DNAH11: variants seen among roughly 807,000 people sequenced by gnomAD.
DNAH11 encodes the protein axonemal beta dynein heavy chain 11.
Under a neutral mutation model 526.0 loss-of-function variants are expected in DNAH11, and 442 were observed. That is an observed-to-expected ratio of 0.84 (90% CI 0.78 to 0.91). The LOEUF (loss-of-function observed/expected upper bound fraction) is 0.91. Among genes scored for constraint, DNAH11 ranks in the 40% least tolerant of loss-of-function variants. The pLI, the probability that DNAH11 is intolerant of heterozygous loss-of-function variation, is 0.00. For missense variants in DNAH11, 6,989 were observed against 5,448.7 expected (o/e 1.28, Z -8.90); for synonymous variants, 2,461 against 1,935.9 (o/e 1.27, Z -7.12).
Position 21,750,247 on chromosome 7 carries a change from T to C in DNAH11, c.8823T>C (p.Asp2941=). ...GAGAAATCCCAGATCTGTTCAGCGA[T>C]GAAGATGTGGACAAGATAATTTCTG... The part of the protein sequence containing the change: ...ASGEIPDLFS[D]EDVDKIISGI... The change falls in exon 54 of 82, where the codon GAT becomes GAC. Residue 2941 remains aspartate (D), a synonymous_variant. Coordinates refer to ENST00000409508, the MANE Select transcript of DNAH11 (RefSeq NM_001277115.2). The C allele has an allele frequency of 1.2e-6, 2 of 1,606,496 alleles. No homozygotes were observed. Among genetic ancestry groups the C allele is most frequent in the South Asian group, 2.2e-5 (2 of 89,076 alleles).
chr7:21,621,552 A>G (rs1415011237), intron 25 of DNAH11, among the ~76,000 whole-genome samples: 1 of 152,186 alleles, frequency 6.6e-6, no homozygotes, highest in Non-Finnish European at 1.5e-5. Flanking sequence ...TCCTTGATGA[A>G]CATTGATGCA....
At chr7:21,639,785 C>T (rs1787036732) in intron 28 of DNAH11, among the ~76,000 whole-genome samples, 1 of 152,172 alleles carries the variant, frequency 6.6e-6, no homozygotes, top group African/African-American at 2.4e-5. Flanking sequence ...GCTGACATAG[C>T]TGGTCACTCC....
At position 21,631,232 on chromosome 7, in the gene DNAH11, C is replaced by T. The variant is rs189445942; in HGVS notation, c.4501-4639C>T. Among the ~76,000 whole-genome samples, 9 of 152,252 alleles carry T rather than the reference C, an allele frequency of 5.9e-5. No individual in the cohort carries two copies. In the East Asian group the frequency reaches 1.5e-3, roughly 26 times the overall value. On this transcript the variant is annotated intron_variant, in intron 25 of 81. Transcript: ENST00000409508. ...AGGACCTGCCTCCGTGATTCAGTTA[C>T]CTCCCACTGGGTCCTTCTCACAAAA... is the stretch of plus-strand genomic sequence containing the variant.
chr7:21,609,438 T>C (rs1025233370), intron 20 of DNAH11, among the ~76,000 whole-genome samples: 1 of 152,198 alleles, frequency 6.6e-6, no homozygotes, highest in South Asian at 2.1e-4. Context: ...CAGACTGTTC[T>C]TGAACTCTTG....
At chr7:21,610,109 C>A (rs972055760) in intron 20 of DNAH11, among the ~76,000 whole-genome samples, 6 of 152,114 alleles carry the variant, frequency 3.9e-5, no homozygotes, top group Admixed American at 2.0e-4. Context: ...AAAAAATTAG[C>A]CGGGCGTGGT....
intron 18 of DNAH11, among the ~76,000 whole-genome samples, chr7:21,605,324 C>CACTGTCCCAGGAGATGACCGAG (rs1785239790): frequency 6.6e-6 from 1 of 152,178 alleles, no homozygotes; most frequent in African/African-American, 2.4e-5. Flanking sequence ...AAAACAATTT[C>CACTGTCCCAGGAGATGACCGAG]ACTGTCCCAG....
Position 21,774,427 on chromosome 7 carries a change from G to A in DNAH11, c.9336+428G>A, listed in dbSNP as rs114590638. ...TGTGGCGAGATCCCAAGGTAGAGCTGTTCCTCCCTTAGTGACTTGTCTGCT... is the reference window on the plus strand; with the variant it reads ...TGTGGCGAGATCCCAAGGTAGAGCTATTCCTCCCTTAGTGACTTGTCTGCT... On this transcript the variant is annotated intron_variant, in intron 56 of 81. Coordinates refer to ENST00000409508, the MANE Select transcript of DNAH11 (RefSeq NM_001277115.2). Among the ~76,000 whole-genome samples the A allele has an allele frequency of 9.9e-3, 1,511 of 152,230 alleles. 26 individuals carry two copies. Among genetic ancestry groups the A allele is most frequent in the African/African-American group, 0.034 (1,417 of 41,538 alleles).
intron 28 of DNAH11, among the ~76,000 whole-genome samples, chr7:21,649,480 C>G (rs1787525474): frequency 1.3e-5 from 2 of 151,930 alleles, no homozygotes; most frequent in African/African-American, 4.8e-5. Context: ...TGAAGAAAAC[C>G]TAGTGGTATA....
rs368480739 is a variant in DNAH11, at chr7:21,741,908, T to C, written c.7915-19T>C. 5.6e-6 allele frequency: 9 copies of C among 1,612,724 alleles called. No homozygotes were observed. Among genetic ancestry groups the C allele is most frequent in the African/African-American group, 2.7e-5 (2 of 75,016 alleles). On this transcript the variant is annotated intron_variant, in intron 48 of 81. Coordinates refer to ENST00000409508, the MANE Select transcript of DNAH11 (RefSeq NM_001277115.2). ...TACAATTGTAATCCTTACACTCTTATATTTGCTTTTCTTTTCAGAGACATT... is the reference window on the plus strand; with the variant it reads ...TACAATTGTAATCCTTACACTCTTACATTTGCTTTTCTTTTCAGAGACATT...
chr7:21,878,446 G>A (rs1783797717), intron 74 of DNAH11, among the ~76,000 whole-genome samples: 3 of 152,080 alleles, frequency 2.0e-5, no homozygotes, highest in Admixed American at 2.0e-4. Context: ...TACATATATT[G>A]GATCTCCTAG....
At chr7:21,629,978 A>G (rs1223794405) in intron 25 of DNAH11, among the ~76,000 whole-genome samples, 2 of 151,828 alleles carry the variant, frequency 1.3e-5, no homozygotes, top group Non-Finnish European at 2.9e-5. Flanking sequence ...GTTGTTTTGT[A>G]ATTTTTCTTT....
At chr7:21,713,342 A>G (rs551844471) in intron 42 of DNAH11, among the ~76,000 whole-genome samples, 118 of 152,108 alleles carry the variant, frequency 7.8e-4, no homozygotes, top group Non-Finnish European at 1.2e-3. Context: ...GGTTTGGCCA[A>G]TGAAGAATCC....
chr7:21,623,710 C>T (rs1039480266), intron 25 of DNAH11, among the ~76,000 whole-genome samples: 2 of 150,448 alleles, frequency 1.3e-5, no homozygotes, highest in Non-Finnish European at 2.9e-5. Context: ...TAAACTATCA[C>T]AAGAAGAAAA....
chr7:21,871,262 AC>A (rs1370640895), intron 73 of DNAH11, among the ~76,000 whole-genome samples: 6 of 152,160 alleles, frequency 3.9e-5, no homozygotes, highest in Non-Finnish European at 8.8e-5. Flanking sequence ...GATATTAAAA[AC>A]CATTTTTCAA....
At chr7:21,658,777 C>T (rs749359596) in intron 29 of DNAH11, 21 bp from the exon 30 acceptor site, 1 of 1,541,698 alleles carries the variant, frequency 6.5e-7, no homozygotes, top group Non-Finnish European at 8.8e-7. Context: ...TGTGTTATAA[C>T]ATTTCAACTT....
Position 21,658,825 on chromosome 7 carries a change from C to G in DNAH11, c.5122C>G (p.Gln1708Glu), listed in dbSNP as rs773433189. The G allele has an allele frequency of 3.1e-6, 5 of 1,593,526 alleles. No homozygotes were observed. The South Asian group carries it at 4.6e-5, about 15-fold the overall frequency. ...GGAAACATGGCTTCTGCAACTTGAA[C>G]AGACTATGCAAGAAACGGTGCGTCA... ...HVETWLLQLE[Q>E]TMQETVRHSI... is the part of the protein sequence containing the mutation. Residue 1708 changes from glutamine to glutamate, a missense_variant, in exon 30 of 82, where the codon CAG becomes GAG. Gln to Glu is a conservative substitution (Grantham distance 29). Transcript: ENST00000409508.
intron 65 of DNAH11, among the ~76,000 whole-genome samples, chr7:21,826,533 A>G (rs1189961934): frequency 6.6e-6 from 1 of 152,224 alleles, no homozygotes; most frequent in Non-Finnish European, 1.5e-5. Context: ...ACATGTTTGT[A>G]AATTTTATAA....
At position 21,658,783 on chromosome 7, in the gene DNAH11, A is replaced by T; in HGVS notation, c.5095-15A>T. The T allele has an allele frequency of 6.5e-7, 1 of 1,548,024 alleles. No individual in the cohort carries two copies. Among genetic ancestry groups the T allele is most frequent in the African/African-American group, 1.4e-5 (1 of 73,314 alleles). On this transcript the variant is annotated splice_polypyrimidine_tract_variant and intron_variant, in intron 29 of 81. Transcript: ENST00000409508. ...AGTTAAGCCTGTGTTATAACATTTC[A>T]ACTTGCTTCCAAAGGTGGAAACATG...
intron 45 of DNAH11, among the ~76,000 whole-genome samples, chr7:21,728,869 G>A (rs886293669): frequency 7.9e-5 from 12 of 152,230 alleles, no homozygotes; most frequent in African/African-American, 2.9e-4. Flanking sequence ...AGATTCTTAA[G>A]ACTTCAAAAT....
Sources: allele counts gnomAD v4.1 joint callset (sites outside exome capture counted in the v4.1 genomes callset), GRCh38; gene constraint gnomAD v4.1.1; transcripts MANE v1.5; gene names NCBI Gene and HGNC (gene_info 2026-07-23, HGNC 2026-07-21).